The following IQGAP2 variants were observed in gnomAD, a reference collection of about 807,000 sequenced individuals.
IQGAP2 encodes IQ motif containing GTPase activating protein 2.
In IQGAP2, 173 loss-of-function variants were observed where a neutral mutation model predicts 201.3. That is an observed-to-expected ratio of 0.86 (90% CI 0.76 to 0.98). IQGAP2 has a LOEUF of 0.98. Among genes scored for constraint, IQGAP2 ranks in the 50% least tolerant of loss-of-function variants. The pLI, the probability that IQGAP2 is intolerant of heterozygous loss-of-function variation, is 0.00. For missense variants in IQGAP2, 1,687 were observed against 1,864.8 expected (o/e 0.90, Z 1.76); for synonymous variants, 675 against 673.9 (o/e 1.00, Z -0.03).
At chr5:76,578,587 C>T (rs995405060) in intron 5 of IQGAP2, among the ~76,000 whole-genome samples, 3 of 152,230 alleles carry the variant, frequency 2.0e-5, no homozygotes, top group African/African-American at 7.2e-5. Flanking sequence ...GCTGGGATTA[C>T]AGGCATCAGC....
chr5:76,532,603 G>T (rs1759378276), intron 2 of IQGAP2, among the ~76,000 whole-genome samples: 3 of 152,252 alleles, frequency 2.0e-5, no homozygotes, highest in South Asian at 4.1e-4. Context: ...GCTCATGAGG[G>T]TTCTTCAAAG....
At chr5:76,593,147 A>G (rs1450913711) in intron 9 of IQGAP2, among the ~76,000 whole-genome samples, 4 of 152,154 alleles carry the variant, frequency 2.6e-5, no homozygotes, top group Admixed American at 6.5e-5. Context: ...TCCTGAAGCT[A>G]GTTTGATTCT....
chr5:76,456,201 A>C (rs943141010), intron 1 of IQGAP2, among the ~76,000 whole-genome samples: 1 of 152,152 alleles, frequency 6.6e-6, no homozygotes, highest in African/African-American at 2.4e-5. Flanking sequence ...GCCTGTGCTC[A>C]GTGTCTCATA....
chr5:76,492,312 G>C (rs535187836), intron 2 of IQGAP2, among the ~76,000 whole-genome samples: 1 of 152,158 alleles, frequency 6.6e-6, no homozygotes, highest in South Asian at 2.1e-4. Flanking sequence ...GTGAGGTGCC[G>C]GACGGCTCAG....
chr5:76,478,962 G>T (rs1393134681), intron 2 of IQGAP2, among the ~76,000 whole-genome samples: 1 of 152,118 alleles, frequency 6.6e-6, no homozygotes, highest in African/African-American at 2.4e-5. Context: ...GAGAAACCAG[G>T]AGGTGTTTAG....
intron 2 of IQGAP2, among the ~76,000 whole-genome samples, chr5:76,541,612 C>T (rs993621999): frequency 6.6e-6 from 1 of 152,196 alleles, no homozygotes; most frequent in East Asian, 1.9e-4. Flanking sequence ...AACTGTTTTC[C>T]ACAGTGGCTG....
intron 13 of IQGAP2, among the ~76,000 whole-genome samples, chr5:76,621,338 G>C (rs1377414564): frequency 6.6e-6 from 1 of 152,302 alleles, no homozygotes; most frequent in Non-Finnish European, 1.5e-5. Context: ...AGAAAAGGTA[G>C]ATTAAAGAAA....
At chr5:76,507,969 C>T (rs1757707750) in intron 2 of IQGAP2, among the ~76,000 whole-genome samples, 1 of 143,656 alleles carries the variant, frequency 7.0e-6, no homozygotes, top group Admixed American at 7.2e-5. Flanking sequence ...CGCCACTGCA[C>T]CCCAGCCTGG....
chr5:76,681,711 T>TA (rs1413753037), intron 28 of IQGAP2, among the ~76,000 whole-genome samples: 1 of 152,004 alleles, frequency 6.6e-6, no homozygotes, highest in Non-Finnish European at 1.5e-5. Flanking sequence ...AAATTAAACA[T>TA]AGAATTACCT....
At chr5:76,614,198 T>G (rs971893932) in intron 13 of IQGAP2, among the ~76,000 whole-genome samples, 2 of 152,142 alleles carry the variant, frequency 1.3e-5, no homozygotes, top group Non-Finnish European at 2.9e-5. Context: ...CAATCTAGAT[T>G]GAGATGGAAC....
chr5:76,683,161 T>TA lies in IQGAP2; in HGVS notation c.3708dup (p.Leu1237ThrfsTer3), dbSNP rs774702724. The TA allele has an allele frequency of 6.2e-7, 1 of 1,613,086 alleles. No individual in the cohort carries two copies. Among genetic ancestry groups the TA allele is most frequent in the East Asian group, 2.2e-5 (1 of 44,786 alleles). On this transcript the variant is annotated frameshift_variant, in exon 29 of 36. Transcript: ENST00000274364. LOFTEE classifies it high-confidence loss of function. ...GCAATTGCCCCTGAGAAAAATGACT[T>TA]ACTGAGTGAATTGCTGGGGTCGCTG...
At chr5:76,700,910 C>T (rs1033612546) in intron 33 of IQGAP2, among the ~76,000 whole-genome samples, 166 bp from the exon 34 acceptor site, 2 of 152,174 alleles carry the variant, frequency 1.3e-5, no homozygotes, top group Admixed American at 6.5e-5. Flanking sequence ...AGTGAAGTTG[C>T]ACTCTATGGA....
intron 1 of IQGAP2, among the ~76,000 whole-genome samples, chr5:76,431,683 C>G (rs949679007): frequency 6.6e-6 from 1 of 151,970 alleles, no homozygotes; most frequent in Non-Finnish European, 1.5e-5. Context: ...ATTAGCCAAG[C>G]GTGGTAGCGC....
chr5:76,610,447 G>A (rs944693482), intron 12 of IQGAP2, among the ~76,000 whole-genome samples: 1 of 151,624 alleles, frequency 6.6e-6, no homozygotes, highest in African/African-American at 2.4e-5. Context: ...TGGTCAGAAT[G>A]TAGAGAGCTA....
In IQGAP2 at chr5:76,635,428, C is replaced by A. The variant is rs13173162; in HGVS notation, c.1781-1606C>A. On this transcript the variant is annotated intron_variant, in intron 15 of 35. Transcript: ENST00000274364. ...ATTTTTTACTTCTCAGTTCAAGTGACGGGAGAAACATTTTCACCAGCTTTG... is the reference window on the plus strand; with the variant it reads ...ATTTTTTACTTCTCAGTTCAAGTGAAGGGAGAAACATTTTCACCAGCTTTG... 3.9e-5 allele frequency among the ~76,000 whole-genome samples: 6 copies of A among 152,064 alleles called. No individual in the cohort carries two copies. The East Asian group carries it at 1.2e-3, about 29-fold the overall frequency.
At chr5:76,514,878 G>C (rs1758210327) in intron 2 of IQGAP2, among the ~76,000 whole-genome samples, 1 of 152,162 alleles carries the variant, frequency 6.6e-6, no homozygotes, top group South Asian at 2.1e-4. Context: ...AATGCATTCA[G>C]CTGAATTCAG....
In IQGAP2 at chr5:76,671,951, G is replaced by A. The variant is rs774209744; in HGVS notation, c.3036G>A (p.Val1012=). ...TNPVEVYKAW[V]NQLETQTGEA... ...CTGTAGAGGTGTACAAGGCTTGGGT[G>A]AACCAACTAGAAACACAGACTGGAG... is the stretch of plus-strand genomic sequence containing the variant. Residue 1012 remains valine (V), a synonymous_variant, in exon 24 of 36, where the codon GTG becomes GTA. Transcript: ENST00000274364. The A allele has an allele frequency of 6.2e-7, 1 of 1,613,900 alleles. No homozygotes were observed. The highest frequency in any genetic ancestry group is 8.5e-7 in the Non-Finnish European group (1 of 1,179,852).
At chr5:76,530,252 A>G (rs1759217883) in intron 2 of IQGAP2, among the ~76,000 whole-genome samples, 1 of 152,234 alleles carries the variant, frequency 6.6e-6, no homozygotes, top group Non-Finnish European at 1.5e-5. Context: ...CCAGCCATTA[A>G]AAAATCTAAA....
chr5:76,603,171 T>A (rs537140420), intron 11 of IQGAP2, among the ~76,000 whole-genome samples: 1 of 152,338 alleles, frequency 6.6e-6, no homozygotes, highest in South Asian at 2.1e-4. Context: ...TTCTGGTCTC[T>A]GTGTTCCTAT....
Sources: allele counts gnomAD v4.1 joint callset (sites outside exome capture counted in the v4.1 genomes callset), GRCh38; gene constraint gnomAD v4.1.1; transcripts MANE v1.5; gene names NCBI Gene and HGNC (gene_info 2026-07-23, HGNC 2026-07-21).